The following B4GALT1 variants were observed in gnomAD, a reference collection of about 807,000 sequenced individuals.
The protein encoded by B4GALT1 is beta-1,4-galactosyltransferase 1, also known as N-acetyllactosamine synthase.
B4GALT1 carries 16 observed loss-of-function variants against 34.9 expected under a neutral mutation model. The ratio of observed to expected loss-of-function variants is 0.46; its 90% confidence interval spans 0.31 to 0.70. The LOEUF (loss-of-function observed/expected upper bound fraction) is 0.70. Ranked by LOEUF, B4GALT1 falls within the 30% of genes least tolerant of loss-of-function variation. The pLI is 0.05. For missense variants in B4GALT1, 445 were observed against 530.5 expected (o/e 0.84, Z 1.58); for synonymous variants, 221 against 218.1 (o/e 1.01, Z -0.12).
intron 2 of B4GALT1, among the ~76,000 whole-genome samples, chr9:33,123,567 CCCCCA>C (rs2118074402): frequency 6.6e-6 from 1 of 152,230 alleles, no homozygotes; most frequent in Admixed American, 6.5e-5. Flanking sequence ...ATGCACTAGA[CCCCCA>C]GGGCTGCCCA....
chr9:33,113,925 T>G (rs758169860), intron 4 of B4GALT1, 47 bp from the exon 5 acceptor site: 9 of 1,569,186 alleles, frequency 5.7e-6, no homozygotes, highest in Non-Finnish European at 7.9e-6. Flanking sequence ...TGCCATACAC[T>G]TGGCCTGAGA....
At chr9:33,166,718 G>A in intron 1 of B4GALT1, 40 bp downstream of exon 1, 1 of 1,479,782 alleles carries the variant, frequency 6.8e-7, no homozygotes, top group Non-Finnish European at 8.9e-7. Flanking sequence ...AAATCCGGGG[G>A]GGTCCCAATC....
the B4GALT1 span, among the ~76,000 whole-genome samples, chr9:33,176,481 G>A: frequency 1.3e-5 from 2 of 152,084 alleles, no homozygotes; most frequent in Admixed American, 6.5e-5. Flanking sequence ...GGTTTAGGAG[G>A]CGCTGTTTTA....
chr9:33,138,918 T>C (rs1326385718), intron 1 of B4GALT1, among the ~76,000 whole-genome samples: 2 of 151,960 alleles, frequency 1.3e-5, no homozygotes, highest in African/African-American at 4.8e-5. Context: ...CCATCTTCTA[T>C]TCCCCCTCCT....
Position 33,120,633 on chromosome 9 carries a change from T to C in B4GALT1, c.649-27A>G, listed in dbSNP as rs761241999. On this transcript the variant is annotated intron_variant, in intron 2 of 5. Coordinates refer to ENST00000379731, the MANE Select transcript of B4GALT1 (RefSeq NM_001497.4). ...TGGTGCAGAAACAAAAACAGTGATA[T>C]CAAATGCCTTAAAGCCTTTGGGCCA... 7.4e-6 allele frequency: 12 copies of C among 1,612,430 alleles called. No homozygotes were observed. In the South Asian group the frequency reaches 1.2e-4, roughly 16 times the overall value.
At position 33,167,270 on chromosome 9, in the gene B4GALT1, G is replaced by A. The variant is rs184789571; in HGVS notation, c.-101C>T. ...CTGCCCCACAGCGGCGACTAGGGGAGGGCCCGGAGCGGGGGCGGGCGAGCG... is the reference window on the plus strand; with the variant it reads ...CTGCCCCACAGCGGCGACTAGGGGAAGGCCCGGAGCGGGGGCGGGCGAGCG... On this transcript the variant is annotated 5_prime_UTR_variant, in exon 1 of 6. Coordinates refer to ENST00000379731, the MANE Select transcript of B4GALT1 (RefSeq NM_001497.4). 9.5e-3 allele frequency: 13,082 copies of A among 1,378,798 alleles called. 97 individuals are homozygous for A. The highest frequency in any genetic ancestry group is 9.9e-3 in the Non-Finnish European group (10,475 of 1,060,890). The allele number at this position is 1,378,798 out of a possible 1,614,324, so 85.4% of individuals were successfully genotyped here.
chr9:33,184,564 C>T, the B4GALT1 span, among the ~76,000 whole-genome samples: 1 of 152,178 alleles, frequency 6.6e-6, no homozygotes, highest in Non-Finnish European at 1.5e-5. Flanking sequence ...AGAGAAAAGA[C>T]AAGAACCTCC....
At chr9:33,130,821 G>C (rs558646740) in intron 2 of B4GALT1, among the ~76,000 whole-genome samples, 1 of 151,952 alleles carries the variant, frequency 6.6e-6, no homozygotes, top group Non-Finnish European at 1.5e-5. Context: ...GTCCTGATGC[G>C]GGCCCTGAGT....
intron 2 of B4GALT1, among the ~76,000 whole-genome samples, chr9:33,129,096 C>T (rs1410048134): frequency 6.6e-6 from 1 of 152,184 alleles, no homozygotes; most frequent in Non-Finnish European, 1.5e-5. Flanking sequence ...AGGCAGGCTC[C>T]AGCTCTGCTT....
chr9:33,136,842 G>A (rs1387667426), intron 1 of B4GALT1, among the ~76,000 whole-genome samples: 1 of 152,198 alleles, frequency 6.6e-6, no homozygotes, highest in African/African-American at 2.4e-5. Context: ...CCCAGGGCCA[G>A]TGAGCAGGCT....
At position 33,166,962 on chromosome 9, in the gene B4GALT1, T is replaced by A; in HGVS notation, c.208A>T (p.Ile70Phe). ...CGGAGCTCCCCGGAGGACTGCCCGA[T>A]GGCGGCGGCACTGTTCGAGCCGCCC... The part of the protein sequence containing the change: ...LQGGSNSAAA[I>F]GQSSGELRTG... The change falls in exon 1 of 6, where the codon ATC becomes TTC. Residue 70 changes from isoleucine to phenylalanine, a missense_variant. Physicochemically the swap from Ile to Phe is conservative, Grantham distance 21. Transcript: ENST00000379731. The A allele has an allele frequency of 6.3e-7, 1 of 1,579,668 alleles. No individual in the cohort carries two copies. The highest frequency in any genetic ancestry group is 8.5e-7 in the Non-Finnish European group (1 of 1,170,030).
At chr9:33,132,361 C>G (rs1840205805) in intron 2 of B4GALT1, among the ~76,000 whole-genome samples, 1 of 152,130 alleles carries the variant, frequency 6.6e-6, no homozygotes, top group Admixed American at 6.5e-5. Flanking sequence ...TGAGACGGTT[C>G]TTGGAAAAGT....
At chr9:33,154,031 AAGGGAGGGAGGG>A (rs35884423) in intron 1 of B4GALT1, among the ~76,000 whole-genome samples, 6,671 of 70,134 alleles carry the variant, frequency 0.095, 405 homozygotes, top group Non-Finnish European at 0.13. Flanking sequence ...GGAAGGAAGG[AAGGGAGGGAGGG>A]AGGGAGGGAG....
intron 1 of B4GALT1, among the ~76,000 whole-genome samples, chr9:33,143,033 T>C (rs1186450999): frequency 6.6e-5 from 10 of 152,108 alleles, no homozygotes; most frequent in Non-Finnish European, 1.3e-4. Context: ...TGATCCCAGC[T>C]ACCTGGGAGG....
At chr9:33,166,691 G>C in intron 1 of B4GALT1, 67 bp downstream of exon 1, 2 of 1,436,388 alleles carry the variant, frequency 1.4e-6, no homozygotes, top group Non-Finnish European at 1.8e-6. Flanking sequence ...GGGAATGTCT[G>C]GGGGACCCTG....
At chr9:33,150,853 C>T (rs987746818) in intron 1 of B4GALT1, among the ~76,000 whole-genome samples, 18 of 152,076 alleles carry the variant, frequency 1.2e-4, no homozygotes, top group East Asian at 7.7e-4. Context: ...CTGTGATATA[C>T]CTGGGAAATA....
At chr9:33,104,422 A>T in exon 3 of B4GALT1, 1 of 173,038 alleles carries the variant, frequency 5.8e-6, no homozygotes, top group Non-Finnish European at 1.2e-5. Flanking sequence ...CAGTCCTGAG[A>T]TCTTGACTGA....
Position 33,166,950 on chromosome 9 carries a change from A to C in B4GALT1, c.220T>G (p.Ser74Ala). Residue 74 changes from serine to alanine, a missense_variant, in exon 1 of 6, where the codon TCC (serine) becomes GCC (alanine). Ser to Ala is a moderately conservative substitution (Grantham distance 99). Transcript: ENST00000379731. ...GCCCCTCCGGTCCGGAGCTCCCCGG[A>C]GGACTGCCCGATGGCGGCGGCACTG... is the stretch of plus-strand genomic sequence containing the variant. Reference protein sequence around the residue: ...SNSAAAIGQSSGELRTGGARP... With the variant: ...SNSAAAIGQSAGELRTGGARP... 6.3e-7 allele frequency: 1 copy of C among 1,576,248 alleles called. No homozygotes were observed. The highest frequency in any genetic ancestry group is 8.6e-7 in the Non-Finnish European group (1 of 1,168,254).
At chr9:33,104,744 C>G (rs759981301) in exon 3 of B4GALT1, 1 of 455,828 alleles carries the variant, frequency 2.2e-6, no homozygotes, top group African/African-American at 2.0e-5. Context: ...ACAGACCAGG[C>G]GAAGCCTTCA....
Sources: allele counts gnomAD v4.1 joint callset (sites outside exome capture counted in the v4.1 genomes callset), GRCh38; gene constraint gnomAD v4.1.1; transcripts MANE v1.5; gene names NCBI Gene and HGNC (gene_info 2026-07-23, HGNC 2026-07-21).